RDH12: variants seen among roughly 807,000 people sequenced by gnomAD.
The protein encoded by RDH12 is retinol dehydrogenase 12.
A neutral mutation model predicts 34.0 loss-of-function variants in RDH12; 21 were observed. The observed-to-expected ratio is 0.62, with a 90% CI of 0.44 to 0.89. The LOEUF (loss-of-function observed/expected upper bound fraction) is 0.89, where lower values mean the gene tolerates loss of function less well. RDH12 is among the 40% of genes least tolerant of loss of function. The probability of loss-of-function intolerance (pLI) is 0.00; values close to 1 mark genes in which losing one functional copy is unlikely to be tolerated. For synonymous variants in RDH12, 198 were observed against 169.9 expected, an observed-to-expected ratio of 1.17 and a Z score of -1.29; for missense variants, 394 against 398.6, an observed-to-expected ratio of 0.99 and a Z score of 0.10.
At chr14:67,718,190 C>T (rs1026835524) in intron 1 of RDH12, among the ~76,000 whole-genome samples, 1 of 152,108 alleles carries the variant, frequency 6.6e-6, no homozygotes, top group East Asian at 1.9e-4. Flanking sequence ...TGGTGCTGTA[C>T]GGGCTCCTTA....
At chr14:67,708,308 C>T (rs115112119) in intron 1 of RDH12, among the ~76,000 whole-genome samples, 5,596 of 152,212 alleles carry the variant, frequency 0.037, 300 homozygotes, top group African/African-American at 0.12. Flanking sequence ...GCAGTTAATC[C>T]TGTTCTGCTT....
chr14:67,716,556 A>G (rs1185931718), intron 1 of RDH12, among the ~76,000 whole-genome samples: 2 of 152,144 alleles, frequency 1.3e-5, no homozygotes, highest in Non-Finnish European at 2.9e-5. Context: ...ATTGCATTTT[A>G]ATCTGAACAT....
intron 7 of RDH12, 169 bp downstream of exon 7, chr14:67,727,359 G>A (rs1450814766): frequency 1.5e-6 from 1 of 659,886 alleles, no homozygotes; most frequent in Non-Finnish European, 2.7e-6. Flanking sequence ...CCCCCAGGGA[G>A]CTTAAAATCA....
intron 1 of RDH12, among the ~76,000 whole-genome samples, chr14:67,709,020 T>G (rs1594859240): frequency 1.3e-5 from 2 of 152,328 alleles, no homozygotes; most frequent in East Asian, 3.9e-4. Context: ...CTCGATCTTT[T>G]GACCTCATGA....
chr14:67,709,443 C>T (rs2037986491), intron 1 of RDH12, among the ~76,000 whole-genome samples: 1 of 152,134 alleles, frequency 6.6e-6, no homozygotes, highest in Non-Finnish European at 1.5e-5. Context: ...ACCTTTATAA[C>T]CTTTAGGAGT....
In RDH12 at chr14:67,726,983, C is replaced by G. The variant is rs104894475; in HGVS notation, c.451C>G (p.His151Asp). The change falls in exon 7 of 9, where the codon CAC becomes GAC. Residue 151 changes from histidine (H) to aspartate (D), a missense_variant and splice_region_variant. By Grantham distance (81) the His-to-Asp change is moderately conservative (BLOSUM62 -1). Coordinates refer to ENST00000551171, the MANE Select transcript of RDH12 (RefSeq NM_152443.3). ...ETHLGVNHLGHFLLTYLLLER... is the reference protein window; with the variant it reads ...ETHLGVNHLGDFLLTYLLLER... ...TTCCCTGCTGGCTCTCCTCACAGGCCACTTCCTCCTCACCTACCTGCTCCT... is the reference window on the plus strand; with the variant it reads ...TTCCCTGCTGGCTCTCCTCACAGGCGACTTCCTCCTCACCTACCTGCTCCT... The G allele has an allele frequency of 1.3e-5, 21 of 1,612,224 alleles. No homozygotes were observed. The highest frequency in any genetic ancestry group is 1.7e-5 in the Non-Finnish European group (20 of 1,179,926).
At chr14:67,713,561 A>G (rs1219875138) in intron 1 of RDH12, among the ~76,000 whole-genome samples, 2 of 152,190 alleles carry the variant, frequency 1.3e-5, no homozygotes, top group East Asian at 3.9e-4. Context: ...TGCTGGTACC[A>G]GGCACTGATA....
chr14:67,713,962 T>C (rs1263856668), intron 1 of RDH12, among the ~76,000 whole-genome samples: 4 of 152,158 alleles, frequency 2.6e-5, no homozygotes, highest in Admixed American at 2.6e-4. Context: ...TTTATCTTAA[T>C]GAGGAGAGGT....
At position 67,715,749 on chromosome 14, in the gene RDH12, T is replaced by A. The variant is rs1263586385; in HGVS notation, c.-274-5099T>A. 2.0e-5 allele frequency among the ~76,000 whole-genome samples: 3 copies of A among 152,336 alleles called. No individual in the cohort carries two copies. The East Asian group carries it at 5.8e-4, about 29-fold the overall frequency. On this transcript the variant is annotated intron_variant, in intron 1 of 8. Transcript: ENST00000551171. ...GAAGTTGCAAATAATTAAATTAGGA[T>A]ATCTTAGAATCTCATAACCAGGGAG...
intron 1 of RDH12, among the ~76,000 whole-genome samples, chr14:67,702,658 A>T (rs977573536): frequency 7.2e-5 from 11 of 152,228 alleles, no homozygotes; most frequent in African/African-American, 2.7e-4. Flanking sequence ...AGTCATGTGA[A>T]CTTGGAAAAC....
chr14:67,715,696 A>G (rs957944539), intron 1 of RDH12, among the ~76,000 whole-genome samples: 5 of 152,200 alleles, frequency 3.3e-5, no homozygotes, highest in African/African-American at 1.2e-4. Context: ...ATTTACTTCT[A>G]TTGGAATCCA....
intron 1 of RDH12, among the ~76,000 whole-genome samples, chr14:67,711,372 G>A (rs1310883168): frequency 6.6e-6 from 1 of 152,090 alleles, no homozygotes; most frequent in Admixed American, 6.5e-5. Context: ...ATGTATGCTG[G>A]CAATTCTTAA....
At chr14:67,707,451 T>A (rs887202838) in intron 1 of RDH12, among the ~76,000 whole-genome samples, 5 of 152,170 alleles carry the variant, frequency 3.3e-5, no homozygotes, top group African/African-American at 1.2e-4. Flanking sequence ...TTTTTTGAGA[T>A]GGAGTCTCAC....
At chr14:67,721,379 G>A (rs371132118) in intron 2 of RDH12, among the ~76,000 whole-genome samples, 1 of 152,018 alleles carries the variant, frequency 6.6e-6, no homozygotes, top group East Asian at 1.9e-4. Flanking sequence ...TCAGCCTCCC[G>A]AGTAGCTAGG....
chr14:67,716,592 G>A (rs2038071618), intron 1 of RDH12, among the ~76,000 whole-genome samples: 1 of 152,056 alleles, frequency 6.6e-6, no homozygotes, highest in African/African-American at 2.4e-5. Context: ...ATAGTTTAAA[G>A]AATTTTACAG....
At position 67,715,258 on chromosome 14, in the gene RDH12, G is replaced by T. The variant is rs528735561; in HGVS notation, c.-274-5590G>T. On this transcript the variant is annotated intron_variant, in intron 1 of 8. Coordinates refer to ENST00000551171, the MANE Select transcript of RDH12 (RefSeq NM_152443.3). ...AGCCCCCTAAATTGAATAGACTTCA[G>T]GCCCTACAATATCCAGATCTACTTC... 6 of 151,806 alleles carry T rather than the reference G, an allele frequency of 4.0e-5. No homozygotes were observed. The South Asian group carries it at 1.2e-3, about 32-fold the overall frequency. The allele number at this position is 151,806 out of a possible 1,614,324, so 9.4% of individuals were successfully genotyped here.
intron 1 of RDH12, among the ~76,000 whole-genome samples, chr14:67,702,171 G>T (rs373530023): frequency 6.6e-6 from 1 of 151,844 alleles, no homozygotes; most frequent in South Asian, 2.1e-4. Context: ...ATCTCATTAT[G>T]TTGCCCAGGC....
chr14:67,731,203 CTT>C (rs1177315136), intron 8 of RDH12, among the ~76,000 whole-genome samples: 1 of 119,210 alleles, frequency 8.4e-6, no homozygotes, highest in Non-Finnish European at 1.7e-5. Context: ...ATATTTCTTT[CTT>C]TCTTTTTTTT....
intron 3 of RDH12, 120 bp downstream of exon 3, chr14:67,722,830 A>AAAAGCAGG: frequency 1.1e-6 from 1 of 883,752 alleles, no homozygotes; most frequent in South Asian, 1.3e-5. Context: ...TCAGGGCAGG[A>AAAAGCAGG]AAAGCAGGAA....
Sources: allele counts gnomAD v4.1 joint callset (sites outside exome capture counted in the v4.1 genomes callset), GRCh38; gene constraint gnomAD v4.1.1; transcripts MANE v1.5; gene names NCBI Gene and HGNC (gene_info 2026-07-23, HGNC 2026-07-21).